The following CDKAL1 variants were observed in gnomAD, a reference collection of about 807,000 sequenced individuals.
CDKAL1 encodes the protein CDKAL1 threonylcarbamoyladenosine tRNA methylthiotransferase.
In CDKAL1, 32 loss-of-function variants were observed where a neutral mutation model predicts 68.2. The ratio of observed to expected loss-of-function variants is 0.47; its 90% CI spans 0.35 to 0.63. The LOEUF (loss-of-function observed/expected upper bound fraction) is 0.63, where lower values mean the gene tolerates loss of function less well. CDKAL1 is among the 30% of genes least tolerant of loss of function. CDKAL1 has a pLI of 0.00. For missense variants in CDKAL1, 606 were observed against 696.7 expected, an observed-to-expected ratio of 0.87 and a Z score of 1.47; for synonymous variants, 234 against 244.3, an observed-to-expected ratio of 0.96 and a Z score of 0.39.
chr6:20,872,369 A>G (rs1372050148), intron 9 of CDKAL1, among the ~76,000 whole-genome samples: 2 of 152,204 alleles, frequency 1.3e-5, no homozygotes, highest in African/African-American at 4.8e-5. Flanking sequence ...TAAGTAAACA[A>G]CATCCTAGCA....
At chr6:20,694,730 TG>T (rs1357293552) in intron 5 of CDKAL1, among the ~76,000 whole-genome samples, 1 of 152,240 alleles carries the variant, frequency 6.6e-6, no homozygotes, top group African/African-American at 2.4e-5. Context: ...AAGTCCCTGC[TG>T]TTGTTTGAAT....
At chr6:21,192,656 G>A (rs1270870947) in intron 13 of CDKAL1, among the ~76,000 whole-genome samples, 1 of 152,018 alleles carries the variant, frequency 6.6e-6, no homozygotes. Flanking sequence ...TATAGCATTT[G>A]TATTCTCAAC....
At chr6:20,780,458 A>G (rs1775370395) in intron 7 of CDKAL1, among the ~76,000 whole-genome samples, 1 of 151,906 alleles carries the variant, frequency 6.6e-6, no homozygotes, top group South Asian at 2.1e-4. Flanking sequence ...CTTTTTTTTA[A>G]TTACTCATTT....
intron 12 of CDKAL1, among the ~76,000 whole-genome samples, chr6:21,069,510 G>A (rs981346206): frequency 6.6e-6 from 1 of 152,024 alleles, no homozygotes; most frequent in African/African-American, 2.4e-5. Context: ...TTACTTGGTT[G>A]TGATATATTG....
rs1428610133 is a variant in CDKAL1 at position 21,232,081 on chromosome 6, A to C, written c.*1042A>C. On this transcript the variant is annotated 3_prime_UTR_variant, in exon 16 of 16. Transcript: ENST00000274695. ...GAGTGCAATGGCACTATCTTGGCTC[A>C]CTGCAGCCTTGACCTCCTGGACTCA... 2 of 139,060 alleles carry C rather than the reference A, an allele frequency of 1.4e-5. No homozygotes were observed. Among genetic ancestry groups the C allele is most frequent in the East Asian group, 2.2e-4 (1 of 4,546 alleles). 8.6% of individuals were successfully genotyped at this position (139,060 alleles called of 1,614,324 possible).
rs903967512 is a variant in CDKAL1 at position 21,191,785 on chromosome 6, G to A, written c.1300-6236G>A. On this transcript the variant is annotated intron_variant, in intron 13 of 15. Coordinates refer to ENST00000274695, the MANE Select transcript of CDKAL1 (RefSeq NM_017774.3). ...TAAAAAAAAAAAAAAAAGTATAAGA[G>A]CTTTTCTCATATCTTTTCAACAAGG... 4.7e-5 allele frequency among the ~76,000 whole-genome samples: 7 copies of A among 150,158 alleles called. 1 individual carries two copies. In the South Asian group the frequency reaches 1.1e-3, roughly 23 times the overall value.
At chr6:20,618,231 G>A (rs930758463) in intron 4 of CDKAL1, among the ~76,000 whole-genome samples, 23 of 152,152 alleles carry the variant, frequency 1.5e-4, no homozygotes, top group East Asian at 7.7e-4. Flanking sequence ...AGAAGTGTCC[G>A]TTCATATCCT....
intron 8 of CDKAL1, among the ~76,000 whole-genome samples, chr6:20,797,492 G>T (rs1227187545): frequency 2.0e-5 from 3 of 152,130 alleles, no homozygotes; most frequent in Non-Finnish European, 4.4e-5. Flanking sequence ...CTACTTTTAG[G>T]TATGAGAAAT....
chr6:20,818,979 A>G (rs1210724667), intron 8 of CDKAL1, among the ~76,000 whole-genome samples: 1 of 152,084 alleles, frequency 6.6e-6, no homozygotes, highest in African/African-American at 2.4e-5. Flanking sequence ...TGGATAATAC[A>G]AGTGCTTGGT....
chr6:20,913,124 C>CAA (rs1198859049), intron 9 of CDKAL1, among the ~76,000 whole-genome samples: 2 of 91,640 alleles, frequency 2.2e-5, no homozygotes, highest in Non-Finnish European at 4.4e-5. Context: ...TTTACACACA[C>CAA]ACACACACAC....
intron 9 of CDKAL1, among the ~76,000 whole-genome samples, chr6:20,910,337 C>G (rs1762413971): frequency 6.6e-6 from 1 of 152,198 alleles, no homozygotes; most frequent in African/African-American, 2.4e-5. Flanking sequence ...GGCAATGCAA[C>G]CCACCTGTGG....
chr6:20,622,784 A>G (rs1767253053), intron 4 of CDKAL1, among the ~76,000 whole-genome samples: 1 of 151,592 alleles, frequency 6.6e-6, no homozygotes, highest in African/African-American at 2.4e-5. Context: ...TTTCCACTCT[A>G]CTGCCTCCTC....
intron 10 of CDKAL1, among the ~76,000 whole-genome samples, chr6:20,984,328 A>G (rs564113451): frequency 3.5e-4 from 53 of 152,202 alleles, no homozygotes; most frequent in African/African-American, 1.2e-3. Flanking sequence ...GGGGGAGTGC[A>G]GGTGAGCGGG....
intron 8 of CDKAL1, among the ~76,000 whole-genome samples, chr6:20,831,913 G>A (rs946087681): frequency 6.6e-6 from 1 of 152,126 alleles, no homozygotes; most frequent in African/African-American, 2.4e-5. Flanking sequence ...AAAAGGATCA[G>A]CTTCAATGAT....
intron 8 of CDKAL1, among the ~76,000 whole-genome samples, chr6:20,819,965 C>T (rs67727529): frequency 0.12 from 17,544 of 152,138 alleles, 1,131 homozygotes; most frequent in African/African-American, 0.17. Context: ...GCGTAGTAAC[C>T]GCAGCAGCAC....
intron 12 of CDKAL1, among the ~76,000 whole-genome samples, chr6:21,083,031 A>G (rs1772493525): frequency 6.6e-6 from 1 of 150,890 alleles, no homozygotes; most frequent in South Asian, 2.1e-4. Context: ...GCACCACCAC[A>G]CCTGGTTAAT....
chr6:20,905,936 T>C (rs1762213300), intron 9 of CDKAL1, among the ~76,000 whole-genome samples: 1 of 152,184 alleles, frequency 6.6e-6, no homozygotes, highest in African/African-American at 2.4e-5. Flanking sequence ...AGACTTACCC[T>C]GTAAGAAATA....
chr6:21,181,317 C>G (rs1374338633), intron 13 of CDKAL1, among the ~76,000 whole-genome samples: 1 of 152,134 alleles, frequency 6.6e-6, no homozygotes, highest in East Asian at 1.9e-4. Flanking sequence ...AAATTTGATT[C>G]CCAATGTGGT....
intron 9 of CDKAL1, among the ~76,000 whole-genome samples, chr6:20,874,201 A>G (rs985952604): frequency 6.6e-6 from 1 of 152,234 alleles, no homozygotes; most frequent in Non-Finnish European, 1.5e-5. Context: ...GGTATGGTAG[A>G]TGATGAAATT....
Sources: allele counts gnomAD v4.1 joint callset (sites outside exome capture counted in the v4.1 genomes callset), GRCh38; gene constraint gnomAD v4.1.1; transcripts MANE v1.5; gene names NCBI Gene and HGNC (gene_info 2026-07-23, HGNC 2026-07-21).